SORCS2: variants seen among roughly 807,000 people sequenced by gnomAD.
SORCS2 encodes sortilin related VPS10 domain containing receptor 2.
A neutral mutation model predicts 141.6 loss-of-function variants in SORCS2; 100 were observed. The ratio of observed to expected loss-of-function variants is 0.71; its 90% CI spans 0.60 to 0.83. The LOEUF (loss-of-function observed/expected upper bound fraction) is 0.83, where lower values mean the gene tolerates loss of function less well. Ranked by LOEUF, SORCS2 falls within the 40% of genes least tolerant of loss-of-function variation. The pLI, the probability that SORCS2 is intolerant of heterozygous loss-of-function variation, is 0.00. For synonymous variants in SORCS2, 789 were observed against 676.9 expected (o/e 1.17, Z -2.57); for missense variants, 1,646 against 1,560.2 (o/e 1.05, Z -0.93).
At chr4:7,616,587 C>T (rs905874026) in intron 3 of SORCS2, among the ~76,000 whole-genome samples, 1 of 152,204 alleles carries the variant, frequency 6.6e-6, no homozygotes, top group Non-Finnish European at 1.5e-5. Flanking sequence ...CCCTAAGGAG[C>T]CCCGATCTCT....
intron 1 of SORCS2, among the ~76,000 whole-genome samples, chr4:7,369,561 G>A (rs924838534): frequency 6.6e-6 from 1 of 152,144 alleles, no homozygotes; most frequent in Non-Finnish European, 1.5e-5. Flanking sequence ...TGTCTACCCC[G>A]GAGACCCTGT....
At chr4:7,661,890 G>A (rs925105842) in intron 6 of SORCS2, among the ~76,000 whole-genome samples, 22 of 152,086 alleles carry the variant, frequency 1.4e-4, no homozygotes, top group Non-Finnish European at 3.1e-4. Flanking sequence ...GGGCACGGGT[G>A]TGCACACCGG....
intron 2 of SORCS2, among the ~76,000 whole-genome samples, chr4:7,518,543 TGTTTGAA>T (rs973881423): frequency 1.3e-5 from 2 of 152,204 alleles, no homozygotes; most frequent in African/African-American, 4.8e-5. Context: ...TTGGGTCTCC[TGTTTGAA>T]GTAACACTCT....
rs1197981715 is a variant in SORCS2 at position 7,663,251 on chromosome 4, AGAG to A, written c.953-1101_953-1099del. On this transcript the variant is annotated intron_variant, in intron 6 of 26. Transcript: ENST00000507866. The surrounding 1 kb of genome is among the most constrained non-coding windows in gnomAD (Gnocchi z 4.8). ...GAAGAGTGAATAAGTGAGTGAGTGA[AGAG>A]TGAATAAGTGAGTGAGTGAATGAAT... Among the ~76,000 whole-genome samples, 12 of 151,132 alleles carry A rather than the reference AGAG, an allele frequency of 7.9e-5. No individual in the cohort carries two copies. The South Asian group carries it at 2.3e-3, about 29-fold the overall frequency.
intron 1 of SORCS2, among the ~76,000 whole-genome samples, chr4:7,265,361 T>G (rs975151581): frequency 5.3e-4 from 80 of 152,262 alleles, no homozygotes; most frequent in African/African-American, 1.8e-3. Context: ...CATGCTGGTG[T>G]GTGCCTGTGG....
intron 22 of SORCS2, 29 bp downstream of exon 22, chr4:7,728,491 A>T: frequency 6.5e-7 from 1 of 1,537,990 alleles, no homozygotes; most frequent in Non-Finnish European, 8.9e-7. Context: ...GAGCCTCCCC[A>T]GCCCCACGGT....
intron 1 of SORCS2, among the ~76,000 whole-genome samples, chr4:7,378,900 C>T (rs1426639474): frequency 1.3e-5 from 2 of 152,192 alleles, no homozygotes; most frequent in Non-Finnish European, 2.9e-5. Context: ...CTATTGGCCA[C>T]CATGGACACG....
intron 1 of SORCS2, among the ~76,000 whole-genome samples, chr4:7,239,691 T>A (rs1712553498): frequency 6.6e-6 from 1 of 152,160 alleles, no homozygotes; most frequent in Non-Finnish European, 1.5e-5. Context: ...CTCTTATGGG[T>A]CATTTCCTTC....
At chr4:7,262,275 T>C (rs1714391119) in intron 1 of SORCS2, among the ~76,000 whole-genome samples, 2 of 140,588 alleles carry the variant, frequency 1.4e-5, no homozygotes, top group Non-Finnish European at 3.1e-5. Flanking sequence ...TCCACCCACC[T>C]ATCCATCTAT....
intron 2 of SORCS2, among the ~76,000 whole-genome samples, chr4:7,504,734 G>A (rs759326529): frequency 6.6e-5 from 10 of 152,186 alleles, no homozygotes; most frequent in Admixed American, 3.3e-4. Flanking sequence ...GCTTGAACAC[G>A]GGGACCGCAT....
At chr4:7,492,125 C>T (rs534513671) in intron 2 of SORCS2, among the ~76,000 whole-genome samples, 56 of 152,346 alleles carry the variant, frequency 3.7e-4, no homozygotes, top group Admixed American at 1.8e-3. Context: ...GACAGGTGCA[C>T]GCTGCTGCTC....
intron 1 of SORCS2, among the ~76,000 whole-genome samples, chr4:7,314,746 C>T (rs778633363): frequency 5.3e-5 from 8 of 149,982 alleles, no homozygotes; most frequent in Non-Finnish European, 5.9e-5. Context: ...GCTGTGACCA[C>T]GGGTGTGAAG....
At chr4:7,724,609 GTGC>G (rs1420428729) in intron 19 of SORCS2, among the ~76,000 whole-genome samples, 3 of 90,036 alleles carry the variant, frequency 3.3e-5, no homozygotes, top group Non-Finnish European at 6.7e-5. Flanking sequence ...GGTGGTGATA[GTGC>G]TGGTGAGGAT....
intron 3 of SORCS2, among the ~76,000 whole-genome samples, chr4:7,543,297 A>C (rs1712824374): frequency 6.6e-6 from 1 of 152,002 alleles, no homozygotes; most frequent in South Asian, 2.1e-4. Flanking sequence ...TCATCTGTTG[A>C]CTCATTCATT....
chr4:7,634,606 T>C (rs1008901260), intron 3 of SORCS2, among the ~76,000 whole-genome samples: 4 of 152,230 alleles, frequency 2.6e-5, no homozygotes, highest in African/African-American at 7.2e-5. Flanking sequence ...ACCTCTCCCA[T>C]GCTAATGAAT....
At chr4:7,448,909 TCCCTGCCTCCCTCCCTCCCTCCCTCCCTC>T (rs1728221994) in intron 2 of SORCS2, among the ~76,000 whole-genome samples, 12 of 426 alleles carry the variant, frequency 0.028, 3 homozygotes, top group East Asian at 0.074. Context: ...CCTCCCTCCC[TCCCTGCCTCCCTCCCTCCCTCCCTCCCTC>T]CCTCTTTTCC....
chr4:7,273,081 C>G (rs141406147), intron 1 of SORCS2, among the ~76,000 whole-genome samples: 1 of 152,250 alleles, frequency 6.6e-6, no homozygotes, highest in Non-Finnish European at 1.5e-5. Context: ...GGCTTTAGAA[C>G]ATGAGCTTGC....
chr4:7,242,361 A>AT (rs541085868), intron 1 of SORCS2, among the ~76,000 whole-genome samples: 1,898 of 150,250 alleles, frequency 0.013, 39 homozygotes, highest in African/African-American at 0.044. Context: ...CGCCTGGATG[A>AT]TTTTTTTTTT....
intron 2 of SORCS2, among the ~76,000 whole-genome samples, chr4:7,486,753 C>T (rs1050792996): frequency 1.3e-5 from 2 of 152,178 alleles, no homozygotes; most frequent in Non-Finnish European, 2.9e-5. Flanking sequence ...GTGCGTGCCC[C>T]CAGCCTCTAC....
Sources: gnomAD v4.1 joint callset for allele counts (sites outside exome capture counted in the v4.1 genomes callset) on GRCh38, gnomAD v4.1.1 for gene constraint, Gnocchi (gnomAD v3.1) non-coding constraint, MANE v1.5 for transcripts, NCBI Gene and HGNC (gene_info 2026-07-23, HGNC 2026-07-21) for gene names.